The following CSMD1 variants were observed in gnomAD, a reference collection of about 807,000 sequenced individuals.
CSMD1 encodes the protein CUB and Sushi multiple domains 1.
A neutral mutation model predicts 417.5 loss-of-function variants in CSMD1; 213 were observed. The observed-to-expected ratio is 0.51, with a 90% confidence interval of 0.46 to 0.57. CSMD1 has a LOEUF of 0.57. Ranked by LOEUF, CSMD1 falls within the 20% of genes least tolerant of loss-of-function variation. CSMD1 has a pLI of 0.00. For synonymous variants in CSMD1, 2,862 were observed against 1,736.8 expected, an observed-to-expected ratio of 1.65 and a Z score of -16.11; for missense variants, 6,923 against 4,529.7, an observed-to-expected ratio of 1.53 and a Z score of -15.17.
chr8:4,645,035 C>T (rs568256973), intron 1 of CSMD1, among the ~76,000 whole-genome samples: 1 of 152,272 alleles, frequency 6.6e-6, no homozygotes, highest in African/African-American at 2.4e-5. Context: ...TTACTTAAAA[C>T]ATTAGGATGC....
At chr8:4,913,006 C>A (rs1242318515) in intron 1 of CSMD1, among the ~76,000 whole-genome samples, 1 of 152,148 alleles carries the variant, frequency 6.6e-6, no homozygotes, top group East Asian at 1.9e-4. Context: ...CCAGGATAGT[C>A]TCGAACTCCT....
At chr8:3,525,901 T>G (rs1486534901) in intron 10 of CSMD1, among the ~76,000 whole-genome samples, 2 of 152,176 alleles carry the variant, frequency 1.3e-5, no homozygotes, top group African/African-American at 4.8e-5. Context: ...GACAGCCAAC[T>G]GGGCACCTAC....
chr8:3,368,732 C>A (rs1355542812), intron 19 of CSMD1, among the ~76,000 whole-genome samples: 1 of 152,134 alleles, frequency 6.6e-6, no homozygotes, highest in Non-Finnish European at 1.5e-5. Context: ...ATTTCCTGCA[C>A]AAAATGCAAA....
intron 1 of CSMD1, among the ~76,000 whole-genome samples, chr8:4,954,088 C>T (rs1382816900): frequency 3.3e-5 from 5 of 152,256 alleles, no homozygotes; most frequent in Admixed American, 1.3e-4. Context: ...TTCCATGTAT[C>T]CTACCTGTGC....
chr8:4,591,366 A>G (rs1799973809), intron 2 of CSMD1, among the ~76,000 whole-genome samples: 1 of 152,254 alleles, frequency 6.6e-6, no homozygotes, highest in Non-Finnish European at 1.5e-5. Context: ...TAGTTGGGCC[A>G]CCTTGGATAT....
intron 2 of CSMD1, among the ~76,000 whole-genome samples, chr8:4,592,574 A>G (rs1414305104): frequency 1.3e-5 from 2 of 151,954 alleles, no homozygotes; most frequent in Admixed American, 1.3e-4. Context: ...TTTAGTAGAG[A>G]CAGAGTTTCA....
At chr8:4,686,315 C>T (rs1254360858) in intron 1 of CSMD1, among the ~76,000 whole-genome samples, 1 of 152,136 alleles carries the variant, frequency 6.6e-6, no homozygotes, top group Non-Finnish European at 1.5e-5. Flanking sequence ...TGCAATCATG[C>T]CATTCCTGAT....
intron 3 of CSMD1, among the ~76,000 whole-genome samples, chr8:4,128,962 G>C (rs1027716388): frequency 2.0e-5 from 3 of 151,222 alleles, no homozygotes; most frequent in African/African-American, 7.3e-5. Context: ...TGTAGTCCCA[G>C]CTACTTGGGA....
At chr8:4,600,505 T>C (rs548482257) in intron 2 of CSMD1, among the ~76,000 whole-genome samples, 32 of 152,342 alleles carry the variant, frequency 2.1e-4, no homozygotes, top group African/African-American at 6.3e-4. Flanking sequence ...AATAAATATA[T>C]ACATCTGTTT....
intron 2 of CSMD1, among the ~76,000 whole-genome samples, chr8:4,583,643 T>G (rs1160864593): frequency 6.6e-6 from 1 of 152,182 alleles, no homozygotes; most frequent in Non-Finnish European, 1.5e-5. Flanking sequence ...AGAACCTTTG[T>G]GTCCACACTC....
rs748713850 is a variant in CSMD1 at position 3,307,791 on chromosome 8, G to C, written c.3854C>G (p.Thr1285Arg). Residue 1285 changes from threonine (T) to arginine (R), a missense_variant, in exon 25 of 70, where the codon ACA becomes AGA. Thr to Arg is a moderately conservative substitution (Grantham distance 71, BLOSUM62 -1). Coordinates refer to ENST00000635120, the MANE Select transcript of CSMD1 (RefSeq NM_033225.6). ...GCCAGGGGACAATATTCGTCCTGAT[G>C]TGGCTGCATGGATCTGACCACCACA... The part of the protein sequence containing the change: ...AECGGQIHAA[T>R]SGRILSPGYP... 3 of 1,613,652 alleles carry C rather than the reference G, an allele frequency of 1.9e-6. No individual in the cohort carries two copies. The East Asian group carries it at 6.7e-5, about 36-fold the overall frequency.
chr8:3,726,134 C>T (rs920236107), intron 6 of CSMD1, among the ~76,000 whole-genome samples: 22 of 152,054 alleles, frequency 1.4e-4, no homozygotes, highest in South Asian at 2.1e-4. Flanking sequence ...TCCCTGCCAA[C>T]AGCCATGCAG....
At chr8:3,909,822 T>C (rs769697060) in intron 5 of CSMD1, among the ~76,000 whole-genome samples, 3 of 152,168 alleles carry the variant, frequency 2.0e-5, no homozygotes, top group African/African-American at 4.8e-5. Flanking sequence ...TGCATGGTGA[T>C]TGTAATAGAA....
chr8:4,214,817 T>C (rs555734097), intron 3 of CSMD1, among the ~76,000 whole-genome samples: 6 of 152,276 alleles, frequency 3.9e-5, no homozygotes, highest in South Asian at 4.1e-4. Flanking sequence ...AGCTCAAAAA[T>C]ACGAACAAAT....
intron 1 of CSMD1, among the ~76,000 whole-genome samples, chr8:4,836,172 A>G (rs1800475175): frequency 6.6e-6 from 1 of 152,216 alleles, no homozygotes; most frequent in Non-Finnish European, 1.5e-5. Flanking sequence ...GGGTTATTTA[A>G]ATCGTTAATT....
chr8:3,709,065 G>C (rs950744917), intron 6 of CSMD1, among the ~76,000 whole-genome samples: 67 of 152,208 alleles, frequency 4.4e-4, no homozygotes, highest in Middle Eastern at 3.4e-3. Flanking sequence ...AAAAGGCACA[G>C]AGGTCCTGGC....
chr8:4,671,206 C>G (rs754358321), intron 1 of CSMD1, among the ~76,000 whole-genome samples: 1 of 152,186 alleles, frequency 6.6e-6, no homozygotes, highest in Admixed American at 6.5e-5. Flanking sequence ...AGTTTCCTTT[C>G]AAGATGAAGT....
At chr8:3,244,131 G>A (rs182184339) in intron 26 of CSMD1, among the ~76,000 whole-genome samples, 122 of 152,274 alleles carry the variant, frequency 8.0e-4, no homozygotes, top group Middle Eastern at 3.4e-3. Context: ...ACCCTCTGTC[G>A]TTCAACACGT....
intron 1 of CSMD1, among the ~76,000 whole-genome samples, chr8:4,861,109 G>A (rs373236510): frequency 2.0e-5 from 3 of 152,170 alleles, no homozygotes; most frequent in East Asian, 1.9e-4. Flanking sequence ...GGCCAGAAAT[G>A]TTTCTTGAAT....
Sources: gnomAD v4.1 joint callset for allele counts (sites outside exome capture counted in the v4.1 genomes callset) on GRCh38, gnomAD v4.1.1 for gene constraint, MANE v1.5 for transcripts, NCBI Gene and HGNC (gene_info 2026-07-23, HGNC 2026-07-21) for gene names.